Variants in NEIL3 observed in about 807,000 individuals in gnomAD.
NEIL3 encodes endonuclease 8-like 3.
A neutral mutation model predicts 57.5 loss-of-function variants in NEIL3; 48 were observed. That is an observed-to-expected ratio of 0.83 (90% confidence interval 0.66 to 1.06). NEIL3 has a LOEUF of 1.06. Among genes scored for constraint, NEIL3 ranks in the 50% least tolerant of loss-of-function variants. The pLI, the probability that NEIL3 is intolerant of heterozygous loss-of-function variation, is 0.00. For missense variants in NEIL3, 717 were observed against 739.1 expected (o/e 0.97, Z 0.35); for synonymous variants, 261 against 253.2 (o/e 1.03, Z -0.29).
At chr4:177,331,020 A>G (rs898028199) in intron 2 of NEIL3, among the ~76,000 whole-genome samples, 1 of 152,230 alleles carries the variant, frequency 6.6e-6, no homozygotes, top group Non-Finnish European at 1.5e-5. Flanking sequence ...ATAGGACACT[A>G]TATATTACCT....
chr4:177,317,402 A>G (rs141079044), intron 1 of NEIL3, among the ~76,000 whole-genome samples: 232 of 152,204 alleles, frequency 1.5e-3, no homozygotes, highest in Non-Finnish European at 2.9e-3. Context: ...TAATGGTCTC[A>G]TGCATTTTAA....
At chr4:177,311,885 G>C (rs1320240033) in intron 1 of NEIL3, among the ~76,000 whole-genome samples, 1 of 152,044 alleles carries the variant, frequency 6.6e-6, no homozygotes, top group African/African-American at 2.4e-5. Flanking sequence ...GGAGGGCTAA[G>C]CAATGGATAT....
At chr4:177,338,176 G>A (rs995829972) in intron 4 of NEIL3, among the ~76,000 whole-genome samples, 19 of 152,182 alleles carry the variant, frequency 1.2e-4, no homozygotes, top group African/African-American at 4.6e-4. Context: ...TATTTTGGAT[G>A]TATGTAAGTT....
Position 177,351,621 on chromosome 4 carries a change from C to T in NEIL3, c.1039+72C>T. On this transcript the variant is annotated intron_variant, in intron 7 of 9. Coordinates refer to ENST00000264596, the MANE Select transcript of NEIL3 (RefSeq NM_018248.3). The stretch of plus-strand genomic sequence containing the variant: ...TAATTATACAAAGTCAGGAATATAT[C>T]TTGCTCCATCTTGATATTCCATAAC... 2.5e-6 allele frequency: 3 copies of T among 1,177,450 alleles called. No individual in the cohort carries two copies. In the South Asian group the frequency reaches 4.5e-5, roughly 18 times the overall value. 72.9% of individuals were successfully genotyped at this position (1,177,450 alleles called of 1,614,324 possible). A position where few individuals can be genotyped will look rare whatever the true frequency, so the allele number is the denominator to read the frequency against.
At chr4:177,353,213 T>C in intron 7 of NEIL3, 95 bp from the exon 8 acceptor site, 1 of 1,066,974 alleles carries the variant, frequency 9.4e-7, no homozygotes, top group Non-Finnish European at 1.4e-6. Flanking sequence ...TGTAATAAAG[T>C]GAAGTAAATT....
intron 1 of NEIL3, among the ~76,000 whole-genome samples, chr4:177,312,170 A>T (rs2111107599): frequency 6.6e-6 from 1 of 152,342 alleles, no homozygotes; most frequent in South Asian, 2.1e-4. Context: ...TAACCCTATG[A>T]TAAAGGATTA....
chr4:177,314,753 C>G (rs895635186), intron 1 of NEIL3, among the ~76,000 whole-genome samples: 2 of 151,972 alleles, frequency 1.3e-5, no homozygotes, highest in South Asian at 2.1e-4. Flanking sequence ...TTGATGACTT[C>G]GATTGGTATT....
At chr4:177,317,052 T>G (rs990803049) in intron 1 of NEIL3, among the ~76,000 whole-genome samples, 3 of 152,192 alleles carry the variant, frequency 2.0e-5, no homozygotes, top group African/African-American at 7.2e-5. Context: ...TAGAAGAGTT[T>G]CTGCTGCACT....
At chr4:177,344,768 G>T (rs895536686) in intron 6 of NEIL3, among the ~76,000 whole-genome samples, 1 of 151,976 alleles carries the variant, frequency 6.6e-6, no homozygotes, top group Admixed American at 6.6e-5. Flanking sequence ...CACCATGTGG[G>T]CCAGGCTGGT....
In NEIL3 at chr4:177,353,735, T is replaced by G; in HGVS notation, c.1460+7T>G. On this transcript the variant is annotated splice_region_variant and intron_variant, in intron 8 of 9. Coordinates refer to ENST00000264596, the MANE Select transcript of NEIL3 (RefSeq NM_018248.3). ...ACCCTGGATATTCTAACAGGTATGA[T>G]GCTTTTAACCTTGGTCTTTAAGATA... 6.3e-7 allele frequency: 1 copy of G among 1,595,750 alleles called. No homozygotes were observed. Among genetic ancestry groups the G allele is most frequent in the South Asian group, 1.1e-5 (1 of 87,774 alleles).
chr4:177,358,098 T>G (rs1165693284), intron 8 of NEIL3, among the ~76,000 whole-genome samples: 1 of 152,146 alleles, frequency 6.6e-6, no homozygotes, highest in African/African-American at 2.4e-5. Context: ...CTTGGTTACG[T>G]TACTTCAGTG....
At chr4:177,315,243 GTCTT>G (rs965156394) in intron 1 of NEIL3, among the ~76,000 whole-genome samples, 10 of 152,134 alleles carry the variant, frequency 6.6e-5, no homozygotes, top group African/African-American at 2.4e-4. Context: ...TAAAAAGTTT[GTCTT>G]TCTTGTCCAT....
chr4:177,316,879 A>G (rs372081553), intron 1 of NEIL3, among the ~76,000 whole-genome samples: 3 of 152,226 alleles, frequency 2.0e-5, no homozygotes, highest in Admixed American at 2.0e-4. Context: ...AGATTATCCT[A>G]CTGTCCAGGT....
chr4:177,361,254 G>A (rs1299718440), intron 9 of NEIL3, among the ~76,000 whole-genome samples: 2 of 152,158 alleles, frequency 1.3e-5, no homozygotes, highest in South Asian at 2.1e-4. Flanking sequence ...AAGAACCTCA[G>A]GTCCGTTTAG....
At chr4:177,327,629 T>C (rs1734807872) in intron 2 of NEIL3, among the ~76,000 whole-genome samples, 1 of 152,180 alleles carries the variant, frequency 6.6e-6, no homozygotes, top group Non-Finnish European at 1.5e-5. Context: ...TCTTGTTTTA[T>C]TGCACTGGCC....
chr4:177,366,093 A>T, downstream of NEIL3, among the ~76,000 whole-genome samples: 1 of 152,230 alleles, frequency 6.6e-6, no homozygotes, highest in East Asian at 1.9e-4. Flanking sequence ...TGGAAATCCA[A>T]ATATTCAAGA....
intron 6 of NEIL3, among the ~76,000 whole-genome samples, chr4:177,350,011 G>A (rs1735319311): frequency 1.3e-5 from 2 of 152,194 alleles, no homozygotes; most frequent in African/African-American, 4.8e-5. Flanking sequence ...ATTCCATAGG[G>A]ATAATAAATA....
intron 5 of NEIL3, among the ~76,000 whole-genome samples, chr4:177,341,029 C>A (rs1213343972): frequency 1.3e-5 from 2 of 151,832 alleles, no homozygotes. Context: ...TAAATTTTGT[C>A]CCCTAGAATT....
intron 2 of NEIL3, among the ~76,000 whole-genome samples, chr4:177,330,011 A>G (rs1203048386): frequency 6.6e-6 from 1 of 152,054 alleles, no homozygotes; most frequent in Non-Finnish European, 1.5e-5. Context: ...TCCCGGGTTC[A>G]AGTGATTCTC....
Sources: gnomAD v4.1 joint callset for allele counts (sites outside exome capture counted in the v4.1 genomes callset) on GRCh38, gnomAD v4.1.1 for gene constraint, MANE v1.5 for transcripts, NCBI Gene and HGNC (gene_info 2026-07-23, HGNC 2026-07-21) for gene names.